Variants in KCNMA1 observed in about 807,000 individuals in gnomAD.
KCNMA1 encodes Calcium-activated potassium channel subunit alpha-1.
In KCNMA1, 29 loss-of-function variants were observed where a neutral mutation model predicts 140.0. The ratio of observed to expected loss-of-function variants is 0.21; its 90% CI spans 0.15 to 0.28. The LOEUF (loss-of-function observed/expected upper bound fraction) is 0.28. Among genes scored for constraint, KCNMA1 ranks in the 10% least tolerant of loss-of-function variants. KCNMA1 has a pLI of 1.00. For missense variants in KCNMA1, 880 were observed against 1,602.2 expected (o/e 0.55, Z 7.70); for synonymous variants, 612 against 611.9 (o/e 1.00, Z 0.00).
chr10:76,963,644 T>C (rs1555001201), intron 20 of KCNMA1, among the ~76,000 whole-genome samples: 1 of 152,184 alleles, frequency 6.6e-6, no homozygotes, highest in Non-Finnish European at 1.5e-5. Context: ...CTCGAGGCAT[T>C]GTGTCAACAC....
intron 1 of KCNMA1, among the ~76,000 whole-genome samples, chr10:77,532,417 G>T (rs1824957799): frequency 6.6e-6 from 1 of 152,226 alleles, no homozygotes; most frequent in Non-Finnish European, 1.5e-5. Context: ...GCAGATGAGG[G>T]ACTGACCAGC....
At chr10:77,301,335 T>C (rs971008764) in intron 2 of KCNMA1, among the ~76,000 whole-genome samples, 5 of 152,196 alleles carry the variant, frequency 3.3e-5, no homozygotes, top group Admixed American at 3.3e-4. Flanking sequence ...ATCTTTTGAC[T>C]TACAAATGAC....
rs1343575385 is a variant in KCNMA1 at position 77,637,552 on chromosome 10, C to T, written c.91G>A (p.Ala31Thr). 1.3e-6 allele frequency: 2 copies of T among 1,544,334 alleles called. No individual in the cohort carries two copies. The highest frequency in any genetic ancestry group is 1.2e-5 in the South Asian group (1 of 84,384). Residue 31 changes from alanine (A) to threonine (T), a missense_variant, in exon 1 of 28, where the codon GCG (alanine) becomes ACG (threonine). Physicochemically the swap from Ala to Thr is moderately conservative, Grantham distance 58. Transcript: ENST00000286628. ...GACGCGTCTAGGCTGAGATGGTTCG[C>T]GTGGATATTGCTACTCATTCTAAGA... ...SSLRMSSNIH[A>T]NHLSLDASSS... is the part of the protein sequence containing the mutation.
intron 1 of KCNMA1, among the ~76,000 whole-genome samples, chr10:77,427,053 T>A (rs915325324): frequency 6.6e-6 from 1 of 152,232 alleles, no homozygotes; most frequent in Non-Finnish European, 1.5e-5. Context: ...ACTTAGAAAA[T>A]TCCTCTTAGG....
At chr10:77,034,261 AAG>A (rs1017936737) in intron 15 of KCNMA1, among the ~76,000 whole-genome samples, 1 of 151,410 alleles carries the variant, frequency 6.6e-6, no homozygotes. Context: ...AAAAAAAAAA[AAG>A]AGAGAGATCT....
chr10:77,437,378 T>C (rs1317285402), intron 1 of KCNMA1, among the ~76,000 whole-genome samples: 1 of 152,182 alleles, frequency 6.6e-6, no homozygotes. Flanking sequence ...TAATAGCCTT[T>C]TCTGTGATTG....
At chr10:77,636,793 A>G in intron 1 of KCNMA1, 1 of 1,451,888 alleles carries the variant, frequency 6.9e-7, no homozygotes, top group Non-Finnish European at 9.0e-7. Flanking sequence ...GACCCCACGA[A>G]CTCATCTCCC....
intron 1 of KCNMA1, among the ~76,000 whole-genome samples, chr10:77,540,581 T>A (rs1372915112): frequency 6.6e-6 from 1 of 152,258 alleles, no homozygotes; most frequent in African/African-American, 2.4e-5. Context: ...TTGGAATTTA[T>A]TATGCATTTT....
intron 24 of KCNMA1, chr10:76,914,078 T>C: frequency 6.4e-7 from 1 of 1,550,414 alleles, no homozygotes; most frequent in Non-Finnish European, 8.7e-7. Context: ...ATCATTAGAA[T>C]GTGCGTCCCA....
At chr10:77,458,013 C>T (rs1603624623) in intron 1 of KCNMA1, among the ~76,000 whole-genome samples, 1 of 152,212 alleles carries the variant, frequency 6.6e-6, no homozygotes, top group African/African-American at 2.4e-5. Context: ...CAAACGGCAG[C>T]CCGAGTGAAT....
chr10:77,323,570 G>A (rs540717352), intron 2 of KCNMA1, among the ~76,000 whole-genome samples: 2 of 152,340 alleles, frequency 1.3e-5, no homozygotes, highest in African/African-American at 4.8e-5. Context: ...CTTTGCAGGA[G>A]CATAATTTTA....
chr10:77,537,138 C>T (rs1288983363), intron 1 of KCNMA1, among the ~76,000 whole-genome samples: 1 of 152,178 alleles, frequency 6.6e-6, no homozygotes, highest in Non-Finnish European at 1.5e-5. Flanking sequence ...ACATAGAGCC[C>T]CAGGACAGAC....
intron 23 of KCNMA1, among the ~76,000 whole-genome samples, chr10:76,915,436 C>T (rs542768059): frequency 6.6e-6 from 1 of 152,224 alleles, no homozygotes; most frequent in South Asian, 2.1e-4. Flanking sequence ...GTGCATATCA[C>T]TGCTGGTTCA....
At chr10:77,434,780 G>T (rs746221485) in intron 1 of KCNMA1, among the ~76,000 whole-genome samples, 19 of 152,192 alleles carry the variant, frequency 1.2e-4, no homozygotes, top group Non-Finnish European at 2.8e-4. Context: ...CACTGGTGGG[G>T]TCAGAAATGG....
intron 2 of KCNMA1, among the ~76,000 whole-genome samples, chr10:77,261,336 T>C (rs1031545607): frequency 2.0e-5 from 3 of 152,174 alleles, no homozygotes; most frequent in Non-Finnish European, 4.4e-5. Flanking sequence ...ATTCTCATTT[T>C]TTAATGCTCC....
At chr10:77,162,671 T>A (rs1225805594) in intron 5 of KCNMA1, among the ~76,000 whole-genome samples, 1 of 152,154 alleles carries the variant, frequency 6.6e-6, no homozygotes, top group Non-Finnish European at 1.5e-5. Context: ...ACTGGTACTC[T>A]CCAATGGGTA....
intron 2 of KCNMA1, among the ~76,000 whole-genome samples, chr10:77,342,871 G>C (rs1030296416): frequency 1.3e-5 from 2 of 152,172 alleles, no homozygotes; most frequent in African/African-American, 4.8e-5. Flanking sequence ...CACTCATCTG[G>C]CCAGCACACA....
At chr10:77,192,385 C>T (rs2038896327) in intron 3 of KCNMA1, among the ~76,000 whole-genome samples, 1 of 152,030 alleles carries the variant, frequency 6.6e-6, no homozygotes, top group Admixed American at 6.6e-5. Context: ...ATCTTCATTC[C>T]ATATTTCTTA....
chr10:77,051,527 C>A (rs1368369028), intron 14 of KCNMA1, among the ~76,000 whole-genome samples: 1 of 152,138 alleles, frequency 6.6e-6, no homozygotes, highest in African/African-American at 2.4e-5. Flanking sequence ...CAGAAATTCC[C>A]CTCTGCAGTT....
Sources: allele counts gnomAD v4.1 joint callset (sites outside exome capture counted in the v4.1 genomes callset), GRCh38; gene constraint gnomAD v4.1.1; transcripts MANE v1.5; gene names NCBI Gene and HGNC (gene_info 2026-07-23, HGNC 2026-07-21).